TPM1: variants seen among roughly 807,000 people sequenced by gnomAD.
TPM1 encodes tropomyosin 1.
A neutral mutation model predicts 42.9 loss-of-function variants in TPM1; 24 were observed. The ratio of observed to expected loss-of-function variants is 0.56; its 90% CI spans 0.41 to 0.79. The LOEUF (loss-of-function observed/expected upper bound fraction) is 0.79, where lower values mean the gene tolerates loss of function less well. Ranked by LOEUF, TPM1 falls within the 30% of genes least tolerant of loss-of-function variation. The pLI is 0.00. For synonymous variants in TPM1, 136 were observed against 130.1 expected, an observed-to-expected ratio of 1.05 and a Z score of -0.31; for missense variants, 158 against 351.8, an observed-to-expected ratio of 0.45 and a Z score of 4.41.
intron 2 of TPM1, among the ~76,000 whole-genome samples, chr15:63,053,210 T>C (rs898573470): frequency 3.3e-5 from 5 of 152,240 alleles, no homozygotes; most frequent in African/African-American, 1.2e-4. Flanking sequence ...TCAAAAAGAT[T>C]GTGATAATCA....
intron 3 of TPM1, among the ~76,000 whole-genome samples, chr15:63,057,925 G>A (rs115304384): frequency 6.6e-6 from 1 of 152,276 alleles, no homozygotes; most frequent in East Asian, 1.9e-4. Flanking sequence ...GGGGCTCAGA[G>A]CACTGAATGT....
chr15:63,049,020 C>T (rs1050840357), intron 2 of TPM1: 17 of 376,650 alleles, frequency 4.5e-5, no homozygotes, highest in African/African-American at 3.3e-4. Flanking sequence ...TCAGTCGTGT[C>T]TGTGCGTCCC....
chr15:63,070,234 G>GC (rs939299574), downstream of TPM1: 33 of 1,180,794 alleles, frequency 2.8e-5, no homozygotes, highest in African/African-American at 8.0e-5. Flanking sequence ...ATAATGAGGA[G>GC]CCCCCCCAAA....
At chr15:63,065,055 C>T (rs2036129188) in intron 9 of TPM1, 7 of 985,070 alleles carry the variant, frequency 7.1e-6, no homozygotes, top group South Asian at 9.4e-5. Context: ...AATTAAAATA[C>T]CCACGATAAA....
At chr15:63,070,128 G>A (rs555677406), downstream of TPM1, 14 of 1,459,892 alleles carry the variant, frequency 9.6e-6, no homozygotes, top group East Asian at 2.6e-4. Context: ...GAATAATTAC[G>A]TTCTCTTTAA....
rs12442826 is a variant in TPM1, at chr15:63,062,893, C to G, written c.772+248C>G. On this transcript the variant is annotated intron_variant, in intron 8 of 9. Coordinates refer to ENST00000403994, the MANE Select transcript of TPM1 (RefSeq NM_001018005.2). Reference sequence around the variant, plus strand: ...ATCCAGCTTGACTTCATGCTCATTACAAGTGTGGCAGGTTTATTTTTCACT... The same window carrying G: ...ATCCAGCTTGACTTCATGCTCATTAGAAGTGTGGCAGGTTTATTTTTCACT... 0.24 allele frequency: 362,330 copies of G among 1,485,858 alleles called. 47,770 individuals are homozygous for G. Among genetic ancestry groups the G allele is most frequent in the East Asian group, 0.43 (17,530 of 40,450 alleles). 92.0% of individuals were successfully genotyped at this position (1,485,858 alleles called of 1,614,324 possible).
chr15:63,070,290 G>GTGTA (rs946549260), downstream of TPM1: 55 of 502,938 alleles, frequency 1.1e-4, 2 homozygotes, highest in African/African-American at 1.1e-3. Flanking sequence ...CTTTAAGTAT[G>GTGTA]TATATATATA....
rs1265700466 is a variant in TPM1, at chr15:63,062,221, C to G, written c.646C>G (p.Gln216Glu). The G allele has an allele frequency of 1.9e-6, 3 of 1,613,884 alleles. No individual in the cohort carries two copies. In the Admixed American group the frequency reaches 5.0e-5, roughly 27 times the overall value. The change falls in exon 7 of 10, where the codon CAG (glutamine) becomes GAG (glutamate). Residue 216 changes from glutamine (Q) to glutamate (E), a missense_variant. Physicochemically the swap from Gln to Glu is conservative, Grantham distance 29. This residue lies in a region of TPM1 where 64 missense variants were observed against 95.8 expected (regional missense o/e 0.67). Transcript: ENST00000403994. ...SLEAQAEKYS[Q>E]KEDRYEEEIK... ...ATGCTCTTTCTAATTACAGTACTCG[C>G]AGAAGGAAGACAGATATGAGGAAGA...
intron 2 of TPM1, among the ~76,000 whole-genome samples, chr15:63,053,915 C>T (rs2034364052): frequency 6.6e-6 from 1 of 151,902 alleles, no homozygotes; most frequent in South Asian, 2.1e-4. Flanking sequence ...CTCCTGACCT[C>T]ATGATTGCCC....
In TPM1 at chr15:63,060,732, G is replaced by A; in HGVS notation, c.493-137G>A. The A allele has an allele frequency of 3.2e-6, 3 of 946,130 alleles. 1 individual carries two copies. Among genetic ancestry groups the A allele is most frequent in the South Asian group, 2.7e-5 (2 of 73,898 alleles). The allele number at this position is 946,130 out of a possible 1,614,324, so 58.6% of individuals were successfully genotyped here. A position where few individuals can be genotyped will look rare whatever the true frequency, so the allele number is the denominator to read the frequency against. ...CCTAATAGAGAGTTGCTTCTCTCTG[G>A]TCTACCAGAAAGAGGATCATATTGT... On this transcript the variant is annotated intron_variant, in intron 4 of 9. Transcript: ENST00000403994.
chr15:63,051,041 A>C (rs2033751508), intron 2 of TPM1, among the ~76,000 whole-genome samples: 1 of 151,968 alleles, frequency 6.6e-6, no homozygotes, highest in South Asian at 2.1e-4. Context: ...GATCCTTCAA[A>C]ATGTTGGAAT....
chr15:63,053,798 C>T (rs2034340746), intron 2 of TPM1, among the ~76,000 whole-genome samples: 1 of 151,562 alleles, frequency 6.6e-6, no homozygotes, highest in Admixed American at 6.6e-5. Flanking sequence ...TCTCCTGCCT[C>T]AGCCTCCTGA....
chr15:63,059,514 G>A, intron 3 of TPM1, 49 bp from the exon 4 acceptor site: 1 of 1,473,018 alleles, frequency 6.8e-7, no homozygotes, highest in Non-Finnish European at 9.4e-7. Context: ...TGTGCATTTG[G>A]GAAGTTCAGC....
chr15:63,061,984 A>G (rs1258359537), intron 6 of TPM1, 196 bp downstream of exon 6: 10 of 672,684 alleles, frequency 1.5e-5, no homozygotes, highest in East Asian at 2.7e-5. Flanking sequence ...TGAGGCATCA[A>G]TTTAATTTAA....
At chr15:63,056,840 T>C (rs1005069175) in intron 2 of TPM1, 145 bp from the exon 3 acceptor site, 2 of 1,047,708 alleles carry the variant, frequency 1.9e-6, no homozygotes. Context: ...ACTCCAGAGT[T>C]GATGAGGGCT....
At chr15:63,065,122 G>A (rs2036138298) in intron 9 of TPM1, 2 of 985,360 alleles carry the variant, frequency 2.0e-6, no homozygotes. Flanking sequence ...TGTACAATGT[G>A]AGCTTGGGAG....
chr15:63,065,023 A>G, intron 9 of TPM1: 1 of 985,370 alleles, frequency 1.0e-6, no homozygotes, highest in Non-Finnish European at 1.2e-6. Context: ...CCAAGCCTTT[A>G]ATTTTGTGTT....
chr15:63,070,099 T>C, downstream of TPM1: 4 of 1,519,852 alleles, frequency 2.6e-6, no homozygotes, highest in Non-Finnish European at 3.5e-6. Flanking sequence ...CCTTGCCTGC[T>C]TGTTTCTCTA....
In TPM1 at chr15:63,043,608, G is replaced by A; in HGVS notation, c.115-419G>A. On this transcript the variant is annotated intron_variant, in intron 1 of 9. Transcript: ENST00000403994. ...TTGCACTCCAACTCGGCGGCGCCCC[G>A]AGCCCGAGGGGCCCCAGCCAACCCG... The A allele has an allele frequency of 3.3e-6, 5 of 1,523,828 alleles. No individual in the cohort carries two copies. In the South Asian group the frequency reaches 3.6e-5, roughly 11 times the overall value. The allele number at this position is 1,523,828 out of a possible 1,614,324, so 94.4% of individuals were successfully genotyped here.
Sources: gnomAD v4.1 joint callset for allele counts (sites outside exome capture counted in the v4.1 genomes callset) on GRCh38, gnomAD v4.1.1 for gene constraint, gnomAD v4.1.1 regional missense constraint, MANE v1.5 for transcripts, NCBI Gene and HGNC (gene_info 2026-07-23, HGNC 2026-07-21) for gene names.